CUX2: variants seen among roughly 807,000 people sequenced by gnomAD.
CUX2 encodes the protein homeobox protein cut-like 2.
A neutral mutation model predicts 144.8 loss-of-function variants in CUX2; 40 were observed. The ratio of observed to expected loss-of-function variants is 0.28; its 90% confidence interval spans 0.21 to 0.36. CUX2 has a LOEUF of 0.36. Ranked by LOEUF, CUX2 falls within the 10% of genes least tolerant of loss-of-function variation. The pLI, the probability that CUX2 is intolerant of heterozygous loss-of-function variation, is 1.00. For synonymous variants in CUX2, 827 were observed against 875.6 expected, an observed-to-expected ratio of 0.94 and a Z score of 0.98; for missense variants, 1,615 against 1,994.0, an observed-to-expected ratio of 0.81 and a Z score of 3.62.
intron 3 of CUX2, among the ~76,000 whole-genome samples, chr12:111,243,628 C>A (rs1883139496): frequency 6.6e-6 from 1 of 151,490 alleles, no homozygotes; most frequent in African/African-American, 2.4e-5. Context: ...CTCAGCCTCC[C>A]AAGTAGCTGG....
chr12:111,177,990 T>C (rs893664241), intron 1 of CUX2, among the ~76,000 whole-genome samples: 1 of 152,248 alleles, frequency 6.6e-6, no homozygotes, highest in Non-Finnish European at 1.5e-5. Flanking sequence ...TCATTGTTTG[T>C]TCTTATTGTT....
chr12:111,282,864 G>A (rs1474905007), intron 4 of CUX2, among the ~76,000 whole-genome samples: 5 of 151,948 alleles, frequency 3.3e-5, no homozygotes, highest in East Asian at 1.9e-4. Flanking sequence ...ATTAATGTCC[G>A]CACCTCCCCC....
At chr12:111,258,436 C>T (rs1382408022) in intron 3 of CUX2, among the ~76,000 whole-genome samples, 1 of 150,592 alleles carries the variant, frequency 6.6e-6, no homozygotes, top group African/African-American at 2.4e-5. Context: ...TCACTTGAAC[C>T]TGGGAGGTGG....
Position 111,034,419 on chromosome 12 carries a change from C to A in CUX2, c.63+179C>A, listed in dbSNP as rs1224417634. 6.6e-6 allele frequency among the ~76,000 whole-genome samples: 1 copy of A among 151,514 alleles called. No homozygotes were observed. The highest frequency in any genetic ancestry group is 1.5e-5 in the Non-Finnish European group (1 of 67,850). On this transcript the variant is annotated intron_variant, in intron 1 of 21. Coordinates refer to ENST00000261726, the MANE Select transcript of CUX2 (RefSeq NM_015267.4). This position sits in a 1 kb window ranked among gnomAD's most constrained non-coding sequence, Gnocchi z 4.2. ...GATAGGTATTAGGAATTGATCTCGC[C>A]GCTGCTCTTTGTTCGGTTCAGTCAT...
chr12:111,338,589 A>G (rs1888453812), intron 20 of CUX2, 115 bp downstream of exon 20: 1 of 903,698 alleles, frequency 1.1e-6, no homozygotes, highest in East Asian at 2.6e-5. Context: ...TCAGCCTACT[A>G]TGGGACTGCA....
chr12:111,093,801 A>G (rs755866376), intron 1 of CUX2, among the ~76,000 whole-genome samples: 1 of 152,166 alleles, frequency 6.6e-6, no homozygotes, highest in African/African-American at 2.4e-5. Context: ...ACAATTGATA[A>G]TTTTGCCCTG....
At chr12:111,228,263 C>T (rs868358382) in intron 3 of CUX2, among the ~76,000 whole-genome samples, 61 of 152,258 alleles carry the variant, frequency 4.0e-4, no homozygotes, top group African/African-American at 1.3e-3. Flanking sequence ...CTGGGTTCAA[C>T]TCCCCATTTT....
intron 18 of CUX2, among the ~76,000 whole-genome samples, chr12:111,330,732 T>TATACATATAC (rs1888081944): frequency 1.9e-5 from 1 of 53,598 alleles, no homozygotes; most frequent in African/African-American, 7.1e-5. Flanking sequence ...TATATATATA[T>TATACATATAC]ATATATATAT....
rs569090058 is a variant in CUX2 at position 111,334,181 on chromosome 12, C to T, written c.2927-260C>T. On this transcript the variant is annotated intron_variant, in intron 18 of 21. Transcript: ENST00000261726. ...CAGCCTAGGCAACAGAGCGAGACTC[C>T]GTCTTAAAAAAAAAAAAAAAATTGC... 1.5e-3 allele frequency among the ~76,000 whole-genome samples: 192 copies of T among 131,940 alleles called. 3 individuals carry two copies. The highest frequency in any genetic ancestry group is 5.8e-3 in the African/African-American group (183 of 31,492). The allele number at this position is 131,940 out of a possible 152,430, so 86.6% of individuals were successfully genotyped here. A position where few individuals can be genotyped will look rare whatever the true frequency, so the allele number is the denominator to read the frequency against.
At chr12:111,170,550 T>C (rs1476339211) in intron 1 of CUX2, among the ~76,000 whole-genome samples, 1 of 132,668 alleles carries the variant, frequency 7.5e-6, no homozygotes, top group Non-Finnish European at 1.6e-5. Context: ...CTCTTCTTTT[T>C]TTTTTTTTTT....
At chr12:111,264,648 G>A (rs558528507) in intron 4 of CUX2, among the ~76,000 whole-genome samples, 1 of 152,324 alleles carries the variant, frequency 6.6e-6, no homozygotes, top group Non-Finnish European at 1.5e-5. Flanking sequence ...GGGAGGCTGA[G>A]ACAGGAGAAT....
chr12:111,105,926 A>G (rs1439508213), intron 1 of CUX2, among the ~76,000 whole-genome samples: 1 of 144,672 alleles, frequency 6.9e-6, no homozygotes. Context: ...GTGCAGTGCC[A>G]TGATCATGGC....
At chr12:111,212,610 G>A (rs1381471794) in intron 1 of CUX2, among the ~76,000 whole-genome samples, 1 of 152,326 alleles carries the variant, frequency 6.6e-6, no homozygotes, top group South Asian at 2.1e-4. Flanking sequence ...CTCCCAAAGT[G>A]CTGAGATTAC....
rs545684974 is a variant in CUX2, at chr12:111,210,969, C to T, written c.64-3231C>T. On this transcript the variant is annotated intron_variant, in intron 1 of 21. Coordinates refer to ENST00000261726, the MANE Select transcript of CUX2 (RefSeq NM_015267.4). ...TAATCCACCAAGGAGATAATCCACA[C>T]CTCAGTTATTAGAATTGACTGTAGT... is the stretch of plus-strand genomic sequence containing the variant. 2.0e-5 allele frequency among the ~76,000 whole-genome samples: 3 copies of T among 152,280 alleles called. No individual in the cohort carries two copies. In the East Asian group the frequency reaches 5.8e-4, roughly 29 times the overall value.
chr12:111,103,724 A>G (rs1264323865), intron 1 of CUX2, among the ~76,000 whole-genome samples: 1 of 152,212 alleles, frequency 6.6e-6, no homozygotes, highest in Non-Finnish European at 1.5e-5. Flanking sequence ...CAACTTAAAC[A>G]AAAGAAAATT....
chr12:111,202,786 T>A (rs1329873357), intron 1 of CUX2, among the ~76,000 whole-genome samples: 1 of 151,966 alleles, frequency 6.6e-6, no homozygotes, highest in Non-Finnish European at 1.5e-5. Context: ...AGAGGGCGGC[T>A]GAGGTAGAGA....
At chr12:111,071,083 GTTTT>G (rs774905040) in intron 1 of CUX2, among the ~76,000 whole-genome samples, 1 of 134,220 alleles carries the variant, frequency 7.5e-6, no homozygotes, top group Non-Finnish European at 1.6e-5. Context: ...CTTTCTCTAG[GTTTT>G]TTTTTTTTTT....
chr12:111,050,341 T>C (rs1166812646), intron 1 of CUX2, among the ~76,000 whole-genome samples: 4 of 152,198 alleles, frequency 2.6e-5, no homozygotes, highest in Non-Finnish European at 4.4e-5. Flanking sequence ...CTCATCTGTA[T>C]CCACAACATC....
intron 1 of CUX2, among the ~76,000 whole-genome samples, chr12:111,147,159 A>T (rs189583685): frequency 6.6e-6 from 1 of 152,346 alleles, no homozygotes; most frequent in East Asian, 1.9e-4. Flanking sequence ...TGAGTGAATG[A>T]ATGCATGCAT....
Sources: allele counts gnomAD v4.1 joint callset (sites outside exome capture counted in the v4.1 genomes callset), GRCh38; gene constraint gnomAD v4.1.1; non-coding constraint Gnocchi (gnomAD v3.1); transcripts MANE v1.5; gene names NCBI Gene and HGNC (gene_info 2026-07-23, HGNC 2026-07-21).